Variants in DTNB observed in about 807,000 individuals in gnomAD.
The protein encoded by DTNB is dystrobrevin beta, also known as DTN-B.
Under a neutral mutation model 90.7 loss-of-function variants are expected in DTNB, and 63 were observed. The observed-to-expected ratio is 0.69, with a 90% CI of 0.57 to 0.86. The LOEUF is 0.86. DTNB is among the 40% of genes least tolerant of loss of function. DTNB has a pLI of 0.00. For missense variants in DTNB, 744 were observed against 807.1 expected, an observed-to-expected ratio of 0.92 and a Z score of 0.95; for synonymous variants, 277 against 286.7, an observed-to-expected ratio of 0.97 and a Z score of 0.34.
chr2:25,542,883 G>T (rs1451940535), intron 8 of DTNB, among the ~76,000 whole-genome samples: 1 of 150,984 alleles, frequency 6.6e-6, no homozygotes, highest in Admixed American at 6.6e-5. Context: ...CTTTTTTGAG[G>T]CTTCCTTTAT....
intron 8 of DTNB, among the ~76,000 whole-genome samples, chr2:25,537,655 G>T (rs1361158127): frequency 1.3e-5 from 2 of 152,202 alleles, no homozygotes; most frequent in Non-Finnish European, 2.9e-5. Context: ...GACCTGAAGT[G>T]AATTTTGATA....
intron 8 of DTNB, among the ~76,000 whole-genome samples, chr2:25,545,214 C>CT (rs1322507127): frequency 3.3e-5 from 5 of 152,136 alleles, no homozygotes; most frequent in Non-Finnish European, 7.3e-5. Flanking sequence ...TAAATTTGGC[C>CT]TTTTTTCATT....
chr2:25,584,549 T>C (rs2062052429), intron 6 of DTNB, among the ~76,000 whole-genome samples: 1 of 151,848 alleles, frequency 6.6e-6, no homozygotes, highest in East Asian at 1.9e-4. Flanking sequence ...TTTTCTTTTA[T>C]TTCTCAATTT....
chr2:25,448,679 C>G (rs1388405877), intron 12 of DTNB, among the ~76,000 whole-genome samples: 2 of 151,816 alleles, frequency 1.3e-5, no homozygotes, highest in African/African-American at 4.8e-5. Context: ...ACGGTGAAAC[C>G]CCATCTCTAC....
At chr2:25,378,617 G>T (rs2149480431) in intron 20 of DTNB, among the ~76,000 whole-genome samples, 3 of 152,356 alleles carry the variant, frequency 2.0e-5, no homozygotes, top group Middle Eastern at 6.8e-3. Flanking sequence ...TTTTAAAATG[G>T]AGAAGTCTGA....
Position 25,491,809 on chromosome 2 carries a change from G to A in DTNB, c.1002-8936C>T, listed in dbSNP as rs535149519. On this transcript the variant is annotated intron_variant, in intron 9 of 20. Transcript: ENST00000406818. The stretch of plus-strand genomic sequence containing the variant: ...AATATTTATTGAGTGCTTCCTATAC[G>A]GCAGACTAAGTTTGAACATTTTCCA... 4.6e-5 allele frequency among the ~76,000 whole-genome samples: 7 copies of A among 151,514 alleles called. No homozygotes were observed. The East Asian group carries it at 5.8e-4, about 13-fold the overall frequency.
At chr2:25,531,155 C>G (rs926363331) in intron 9 of DTNB, among the ~76,000 whole-genome samples, 1 of 152,152 alleles carries the variant, frequency 6.6e-6, no homozygotes, top group African/African-American at 2.4e-5. Flanking sequence ...AAGATCTCTG[C>G]CACTGATTTA....
chr2:25,558,209 T>A (rs2151170176), intron 8 of DTNB: 1 of 985,324 alleles, frequency 1.0e-6, no homozygotes, highest in South Asian at 4.7e-5. Context: ...GGATTAAATT[T>A]ATTTAGAGAA....
At chr2:25,561,083 A>T (rs910766033) in intron 8 of DTNB, among the ~76,000 whole-genome samples, 2 of 152,194 alleles carry the variant, frequency 1.3e-5, no homozygotes, top group African/African-American at 4.8e-5. Flanking sequence ...TCTTTCTAGC[A>T]CATTCCTTCT....
chr2:25,416,618 G>T (rs2047992430), intron 16 of DTNB, among the ~76,000 whole-genome samples: 2 of 151,986 alleles, frequency 1.3e-5, no homozygotes, highest in South Asian at 2.1e-4. Context: ...GTGAGCCAAG[G>T]TCGCACCACT....
At chr2:25,551,646 T>C (rs1238333212) in intron 8 of DTNB, among the ~76,000 whole-genome samples, 4 of 152,238 alleles carry the variant, frequency 2.6e-5, no homozygotes, top group Admixed American at 2.6e-4. Flanking sequence ...GAACATTTCT[T>C]ATTTTTAATC....
chr2:25,535,303 GGGT>G (rs2079265861), intron 8 of DTNB, among the ~76,000 whole-genome samples: 1 of 145,220 alleles, frequency 6.9e-6, no homozygotes, highest in African/African-American at 2.6e-5. Context: ...TCCCAGACGG[GGGT>G]GGCCAGGCAG....
At chr2:25,634,144 T>G (rs189566863) in intron 3 of DTNB, among the ~76,000 whole-genome samples, 20 of 142,734 alleles carry the variant, frequency 1.4e-4, no homozygotes, top group African/African-American at 4.8e-4. Context: ...AGCCGCCCCA[T>G]CCGGGAGGTG....
At chr2:25,417,523 C>G (rs1489028203) in intron 16 of DTNB, among the ~76,000 whole-genome samples, 1 of 152,218 alleles carries the variant, frequency 6.6e-6, no homozygotes, top group East Asian at 1.9e-4. Flanking sequence ...AATGCCTGCC[C>G]TCTTCTGAAA....
chr2:25,621,609 A>AT (rs758895953), intron 4 of DTNB, among the ~76,000 whole-genome samples: 1,405 of 105,992 alleles, frequency 0.013, 64 homozygotes, highest in East Asian at 0.066. Context: ...TGCCTGGCTA[A>AT]TTTTTTTTTT....
chr2:25,436,503 T>C (rs992033852), intron 12 of DTNB, among the ~76,000 whole-genome samples: 5 of 152,188 alleles, frequency 3.3e-5, no homozygotes, highest in Admixed American at 3.3e-4. Context: ...ATGAAGACCT[T>C]GTTTCCTGTC....
intron 15 of DTNB, among the ~76,000 whole-genome samples, chr2:25,422,957 C>A (rs2050261119): frequency 6.6e-6 from 1 of 152,100 alleles, no homozygotes; most frequent in South Asian, 2.1e-4. Context: ...CTTTGGGAGA[C>A]CAAGGTGGGT....
Position 25,536,646 on chromosome 2 carries a change from G to A in DTNB, c.877-5049C>T, listed in dbSNP as rs577552963. ...GAGCCCGAGGCAGGGAGGTTGCAGC[G>A]AGCCGAGATCATGGCAGTACAGTCC... On this transcript the variant is annotated intron_variant, in intron 8 of 20. Coordinates refer to ENST00000406818, the MANE Select transcript of DTNB (RefSeq NM_021907.5). 1.6e-4 allele frequency among the ~76,000 whole-genome samples: 24 copies of A among 152,296 alleles called. No individual in the cohort carries two copies. In the East Asian group the frequency reaches 4.3e-3, roughly 27 times the overall value.
intron 13 of DTNB, 22 bp downstream of exon 13, chr2:25,433,888 G>A (rs2054789847): frequency 6.2e-7 from 1 of 1,612,478 alleles, no homozygotes; most frequent in Non-Finnish European, 8.5e-7. Context: ...TCTGGAAGTG[G>A]GCTCAGCCTC....
Sources: allele counts gnomAD v4.1 joint callset (sites outside exome capture counted in the v4.1 genomes callset), GRCh38; gene constraint gnomAD v4.1.1; transcripts MANE v1.5; gene names NCBI Gene and HGNC (gene_info 2026-07-23, HGNC 2026-07-21).